The following PARD3B variants were observed in gnomAD, a reference collection of about 807,000 sequenced individuals.
PARD3B encodes the protein partitioning defective 3 homolog B.
PARD3B carries 103 observed loss-of-function variants against 130.2 expected under a neutral mutation model. That is an observed-to-expected ratio of 0.79 (90% CI 0.67 to 0.93). The LOEUF is 0.93. Among genes scored for constraint, PARD3B ranks in the 40% least tolerant of loss-of-function variants. The pLI is 0.00. For synonymous variants in PARD3B, 583 were observed against 553.2 expected, an observed-to-expected ratio of 1.05 and a Z score of -0.76; for missense variants, 1,609 against 1,499.2, an observed-to-expected ratio of 1.07 and a Z score of -1.21.
At chr2:204,629,340 C>T (rs190257062) in intron 1 of PARD3B, among the ~76,000 whole-genome samples, 37 of 152,306 alleles carry the variant, frequency 2.4e-4, no homozygotes, top group Non-Finnish European at 4.9e-4. Flanking sequence ...CGTGCTCCTG[C>T]AGTGATTTGC....
chr2:205,417,321 G>A (rs1041090125), intron 19 of PARD3B, among the ~76,000 whole-genome samples: 1 of 152,034 alleles, frequency 6.6e-6, no homozygotes, highest in Non-Finnish European at 1.5e-5. Context: ...TCTTAATCCA[G>A]TATATCATTG....
intron 3 of PARD3B, among the ~76,000 whole-genome samples, chr2:205,014,297 G>A (rs1038755335): frequency 2.0e-5 from 3 of 152,130 alleles, no homozygotes; most frequent in East Asian, 1.9e-4. Flanking sequence ...CTCTCTGCAG[G>A]GGCAAGTACA....
chr2:205,538,622 A>G (rs374499170), intron 21 of PARD3B, among the ~76,000 whole-genome samples: 4 of 151,120 alleles, frequency 2.6e-5, no homozygotes, highest in East Asian at 3.9e-4. Context: ...CTTTCTGTCT[A>G]TCTGTCTCTC....
intron 18 of PARD3B, among the ~76,000 whole-genome samples, chr2:205,328,349 A>G (rs533763935): frequency 6.6e-6 from 1 of 152,232 alleles, no homozygotes; most frequent in African/African-American, 2.4e-5. Flanking sequence ...AACTGCTACA[A>G]TTTGCAATTT....
intron 2 of PARD3B, among the ~76,000 whole-genome samples, chr2:204,834,362 A>T (rs1043439252): frequency 6.6e-6 from 1 of 152,218 alleles, no homozygotes; most frequent in South Asian, 2.1e-4. Context: ...AGTAATAAGA[A>T]TATGATTGTG....
At chr2:204,847,456 A>G (rs952203874) in intron 2 of PARD3B, among the ~76,000 whole-genome samples, 2 of 152,168 alleles carry the variant, frequency 1.3e-5, no homozygotes, top group African/African-American at 2.4e-5. Flanking sequence ...CCCTTTATCT[A>G]TAGCTTCATT....
intron 18 of PARD3B, among the ~76,000 whole-genome samples, chr2:205,381,600 G>A (rs1044990324): frequency 1.1e-4 from 17 of 151,860 alleles, no homozygotes; most frequent in African/African-American, 3.4e-4. Context: ...CTTCCAGCTA[G>A]CGTTAATGCC....
chr2:205,113,692 T>A, intron 6 of PARD3B, 115 bp downstream of exon 6: 2 of 727,844 alleles, frequency 2.7e-6, no homozygotes, highest in Non-Finnish European at 2.2e-6. Context: ...TTCAAATGGA[T>A]ACCTCAAGAC....
chr2:204,898,353 A>G, intron 2 of PARD3B, among the ~76,000 whole-genome samples: 1 of 151,984 alleles, frequency 6.6e-6, no homozygotes, highest in Non-Finnish European at 1.5e-5. Context: ...ATTATTGTTG[A>G]TTATAGTCCT....
intron 1 of PARD3B, among the ~76,000 whole-genome samples, chr2:204,584,740 A>G (rs1283350473): frequency 2.0e-5 from 3 of 152,162 alleles, no homozygotes; most frequent in Admixed American, 1.3e-4. Flanking sequence ...AAGATTGTGA[A>G]TTTTTCCAAG....
At chr2:204,858,775 C>G (rs1022233338) in intron 2 of PARD3B, among the ~76,000 whole-genome samples, 20 of 147,528 alleles carry the variant, frequency 1.4e-4, no homozygotes, top group Non-Finnish European at 2.5e-4. Context: ...ATTATATATA[C>G]ATATATAATA....
intron 2 of PARD3B, among the ~76,000 whole-genome samples, chr2:204,746,237 T>C (rs1182342485): frequency 2.7e-5 from 4 of 150,570 alleles, no homozygotes; most frequent in African/African-American, 7.3e-5. Context: ...CAGTGTTTGT[T>C]TTTTTGTGCT....
intron 1 of PARD3B, among the ~76,000 whole-genome samples, chr2:204,679,815 C>T (rs1361065502): frequency 1.3e-5 from 2 of 151,776 alleles, no homozygotes; most frequent in African/African-American, 4.8e-5. Flanking sequence ...TGATCTTTAT[C>T]ATTTTTTCTA....
At chr2:204,845,593 C>T (rs1328182616) in intron 2 of PARD3B, among the ~76,000 whole-genome samples, 2 of 151,988 alleles carry the variant, frequency 1.3e-5, no homozygotes, top group Admixed American at 1.3e-4. Context: ...AAGATTGCAC[C>T]TATGCATGAA....
chr2:204,553,976 C>G (rs888131711), intron 1 of PARD3B, among the ~76,000 whole-genome samples: 1 of 151,958 alleles, frequency 6.6e-6, no homozygotes, highest in East Asian at 1.9e-4. Context: ...CAAAATCTCA[C>G]AAATCACCAC....
chr2:205,329,763 G>C (rs2043048506), intron 18 of PARD3B, among the ~76,000 whole-genome samples: 1 of 152,148 alleles, frequency 6.6e-6, no homozygotes, highest in African/African-American at 2.4e-5. Flanking sequence ...GGCAGAGGCA[G>C]GTGGATCACC....
intron 3 of PARD3B, among the ~76,000 whole-genome samples, chr2:204,997,163 C>T (rs1264067236): frequency 1.3e-5 from 2 of 152,178 alleles, no homozygotes; most frequent in Non-Finnish European, 2.9e-5. Context: ...TTATAATACT[C>T]CGTGATATCT....
chr2:204,633,110 C>A (rs2034748073), intron 1 of PARD3B, among the ~76,000 whole-genome samples: 1 of 152,084 alleles, frequency 6.6e-6, no homozygotes, highest in South Asian at 2.1e-4. Flanking sequence ...AGTGAGATTG[C>A]CAGATCATAA....
At chr2:205,006,414 A>G (rs1336215462) in intron 3 of PARD3B, among the ~76,000 whole-genome samples, 1 of 152,204 alleles carries the variant, frequency 6.6e-6, no homozygotes, top group Admixed American at 6.5e-5. Flanking sequence ...GTACTAATTT[A>G]CATTTCCACC....
Sources: gnomAD v4.1 joint callset for allele counts (sites outside exome capture counted in the v4.1 genomes callset) on GRCh38, gnomAD v4.1.1 for gene constraint, MANE v1.5 for transcripts, NCBI Gene and HGNC (gene_info 2026-07-23, HGNC 2026-07-21) for gene names.